The following NAV3 variants were observed in gnomAD, a reference collection of about 807,000 sequenced individuals.
The protein encoded by NAV3 is pore membrane and/or filament interacting like protein 1.
A neutral mutation model predicts 244.7 loss-of-function variants in NAV3; 87 were observed. That is an observed-to-expected ratio of 0.36 (90% CI 0.30 to 0.42). The LOEUF (loss-of-function observed/expected upper bound fraction) is 0.42, where lower values mean the gene tolerates loss of function less well. Among genes scored for constraint, NAV3 ranks in the 20% least tolerant of loss-of-function variants. The pLI is 1.00. For synonymous variants in NAV3, 1,126 were observed against 1,042.2 expected (o/e 1.08, Z -1.55); for missense variants, 2,663 against 2,893.3 (o/e 0.92, Z 1.83).
At chr12:77,661,840 C>A (rs919177590) in intron 2 of NAV3, among the ~76,000 whole-genome samples, 12 of 151,956 alleles carry the variant, frequency 7.9e-5, no homozygotes, top group Admixed American at 4.6e-4. Flanking sequence ...TTATAAAAAA[C>A]AGTTTATAAA....
At chr12:78,183,465 C>G (rs961915322) in intron 30 of NAV3, among the ~76,000 whole-genome samples, 9 of 151,838 alleles carry the variant, frequency 5.9e-5, no homozygotes, top group Non-Finnish European at 1.3e-4. Context: ...GCTGAGGAAG[C>G]CAAGACTTAG....
intron 2 of NAV3, among the ~76,000 whole-genome samples, chr12:77,745,699 A>G (rs1868501294): frequency 6.6e-6 from 1 of 152,068 alleles, no homozygotes; most frequent in Admixed American, 6.6e-5. Flanking sequence ...AGAATGCAAT[A>G]AGGAGTCAAT....
intron 9 of NAV3, among the ~76,000 whole-genome samples, chr12:78,043,100 A>G (rs1881165694): frequency 6.6e-6 from 1 of 151,898 alleles, no homozygotes; most frequent in African/African-American, 2.4e-5. Flanking sequence ...CCACCCACCA[A>G]CAGGCCCCGG....
intron 2 of NAV3, among the ~76,000 whole-genome samples, chr12:77,670,967 A>G (rs1592565082): frequency 6.6e-6 from 1 of 152,064 alleles, no homozygotes; most frequent in African/African-American, 2.4e-5. Context: ...GAAATAAAGG[A>G]CATCCAGATA....
At chr12:78,011,154 A>G (rs1255931697) in intron 8 of NAV3, among the ~76,000 whole-genome samples, 1 of 152,156 alleles carries the variant, frequency 6.6e-6, no homozygotes, top group Admixed American at 6.6e-5. Context: ...AACTAGAGCT[A>G]CCTGAAATTG....
intron 2 of NAV3, among the ~76,000 whole-genome samples, chr12:77,646,551 A>G (rs1872612945): frequency 6.6e-6 from 1 of 152,120 alleles, no homozygotes; most frequent in South Asian, 2.1e-4. Flanking sequence ...GATTGGAAAG[A>G]AGAGCTTGAA....
At chr12:77,786,475 A>G (rs1180438849) in intron 2 of NAV3, among the ~76,000 whole-genome samples, 1 of 152,108 alleles carries the variant, frequency 6.6e-6, no homozygotes, top group African/African-American at 2.4e-5. Context: ...ATTTAAAGGG[A>G]ATGTTTTTGA....
chr12:78,189,820 C>G (rs777518590), intron 33 of NAV3, among the ~76,000 whole-genome samples, 164 bp from the exon 34 acceptor site: 20 of 151,778 alleles, frequency 1.3e-4, no homozygotes, highest in Admixed American at 1.1e-3. Context: ...ATATTTTCTT[C>G]CTTGAAATGG....
At chr12:77,657,801 A>G (rs1263381452) in intron 2 of NAV3, among the ~76,000 whole-genome samples, 2 of 152,196 alleles carry the variant, frequency 1.3e-5, no homozygotes, top group East Asian at 3.9e-4. Flanking sequence ...GGCTGGTTCA[A>G]TATATGCAAA....
intron 20 of NAV3, chr12:78,145,019 T>G (rs1403224283): frequency 3.5e-6 from 1 of 286,800 alleles, no homozygotes; most frequent in South Asian, 3.1e-5. Flanking sequence ...CATAGTTACA[T>G]AGTTAATTGT....
chr12:77,838,831 C>T (rs950259464), intron 1 of NAV3, among the ~76,000 whole-genome samples: 25 of 152,164 alleles, frequency 1.6e-4, no homozygotes, highest in Admixed American at 5.9e-4. Context: ...AAGTGTAAAT[C>T]ATTTAAACTC....
At chr12:77,706,188 T>C (rs1875790884) in intron 2 of NAV3, among the ~76,000 whole-genome samples, 1 of 151,428 alleles carries the variant, frequency 6.6e-6, no homozygotes, top group Admixed American at 6.5e-5. Flanking sequence ...GGTATACTTA[T>C]CACCATGCAA....
rs529111028 is a variant in NAV3, at chr12:77,958,999, T to G, written c.415-7230T>G. Among the ~76,000 whole-genome samples, 17 of 152,276 alleles carry G rather than the reference T, an allele frequency of 1.1e-4. No homozygotes were observed. The South Asian group carries it at 2.9e-3, about 26-fold the overall frequency. On this transcript the variant is annotated intron_variant, in intron 3 of 39. Transcript: ENST00000397909. ...CTATAAAGGAATACGTGTTTTAATA[T>G]CACAGGAATAACACATGAATTATAT... is the stretch of plus-strand genomic sequence containing the variant.
chr12:77,961,615 T>TA (rs1410110412), intron 3 of NAV3, among the ~76,000 whole-genome samples: 3 of 141,504 alleles, frequency 2.1e-5, no homozygotes, highest in African/African-American at 7.8e-5. Context: ...GAATATATAT[T>TA]ACTATATATG....
At position 77,831,169 on chromosome 12, in the gene NAV3, CAGAGAGAGAG is replaced by C. The variant is rs71088341; in HGVS notation, c.-277_-268del. 84 of 143,808 alleles carry C rather than the reference CAGAGAGAGAG, an allele frequency of 5.8e-4. No individual in the cohort carries two copies. Among genetic ancestry groups the C allele is most frequent in the South Asian group, 1.5e-3 (10 of 6,596 alleles). 8.9% of individuals were successfully genotyped at this position (143,808 alleles called of 1,614,324 possible). A position where few individuals can be genotyped will look rare whatever the true frequency, so the allele number is the denominator to read the frequency against. On this transcript the variant is annotated 5_prime_UTR_variant, in exon 1 of 40. Transcript: ENST00000397909. ...CACTGAACAGAGAGAGAGAGAGAGA[CAGAGAGAGAG>C]AGAGAGAGAGAGAGACAGAGAGAGA...
At position 77,599,940 on chromosome 12, in the gene NAV3, A is replaced by C. The variant is rs144335952; in HGVS notation, c.72+27674A>C. On this transcript the variant is annotated intron_variant, in intron 2 of 8. Transcript: ENST00000550042. Reference sequence around the variant, plus strand: ...TTTAGTCCAATCCTCTCACACTGTGAATAGAAAGTCAATTTGCAGAAATAT... The same window carrying C: ...TTTAGTCCAATCCTCTCACACTGTGCATAGAAAGTCAATTTGCAGAAATAT... Among the ~76,000 whole-genome samples, 5 of 152,086 alleles carry C rather than the reference A, an allele frequency of 3.3e-5. No homozygotes were observed. In the East Asian group the frequency reaches 7.7e-4, roughly 24 times the overall value.
chr12:77,902,097 A>G (rs1309744246), intron 1 of NAV3, among the ~76,000 whole-genome samples: 3 of 152,186 alleles, frequency 2.0e-5, no homozygotes, highest in African/African-American at 7.2e-5. Flanking sequence ...TAATTATAAT[A>G]TGTTGTTTGC....
At chr12:78,118,858 G>T (rs899143959) in intron 14 of NAV3, among the ~76,000 whole-genome samples, 1 of 152,094 alleles carries the variant, frequency 6.6e-6, no homozygotes, top group Non-Finnish European at 1.5e-5. Context: ...TATAAATAGT[G>T]CCACCTGAAG....
At chr12:77,942,623 A>C (rs983100024) in intron 3 of NAV3, among the ~76,000 whole-genome samples, 4 of 152,170 alleles carry the variant, frequency 2.6e-5, no homozygotes, top group Non-Finnish European at 5.9e-5. Flanking sequence ...AAGCCAAATC[A>C]GAAGACATTT....
Sources: gnomAD v4.1 joint callset for allele counts (sites outside exome capture counted in the v4.1 genomes callset) on GRCh38, gnomAD v4.1.1 for gene constraint, MANE v1.5 for transcripts, NCBI Gene and HGNC (gene_info 2026-07-23, HGNC 2026-07-21) for gene names.